The following NEMP2 variants were observed in gnomAD, a reference collection of about 807,000 sequenced individuals.
The protein encoded by NEMP2 is nuclear envelope integral membrane protein 2, also known as UPF0571 transmembrane protein.
NEMP2 carries 53 observed loss-of-function variants against 54.2 expected under a neutral mutation model. The ratio of observed to expected loss-of-function variants is 0.98; its 90% CI spans 0.78 to 1.23. NEMP2 has a LOEUF of 1.23. Among genes scored for constraint, NEMP2 ranks in the 50% most tolerant of loss-of-function variants. NEMP2 has a pLI of 0.00. For synonymous variants in NEMP2, 197 were observed against 190.3 expected (o/e 1.04, Z -0.29); for missense variants, 455 against 511.3 (o/e 0.89, Z 1.06).
At chr2:190,554,806 G>A in the NEMP2 span, among the ~76,000 whole-genome samples, 4 of 152,222 alleles carry the variant, frequency 2.6e-5, no homozygotes, top group African/African-American at 4.8e-5. This position sits in a 1 kb window ranked among gnomAD's most constrained non-coding sequence, Gnocchi z 5.7. Context: ...TTCAGGCTCC[G>A]ATAAGGGACA....
chr2:190,622,083 A>T, the NEMP2 span, among the ~76,000 whole-genome samples: 1 of 148,930 alleles, frequency 6.7e-6, no homozygotes, highest in Non-Finnish European at 1.5e-5. Context: ...CTGGGGAGTG[A>T]GACTCTGTCT....
At chr2:190,642,178 T>C in the NEMP2 span, among the ~76,000 whole-genome samples, 1 of 152,224 alleles carries the variant, frequency 6.6e-6, no homozygotes, top group African/African-American at 2.4e-5. This position sits in a 1 kb window ranked among gnomAD's most constrained non-coding sequence, Gnocchi z 4.1. Flanking sequence ...CACTGGTAGC[T>C]CATCCTGGGA....
chr2:190,522,330 T>C lies in NEMP2; in HGVS notation c.213+2933A>G, dbSNP rs1416324501. Among the ~76,000 whole-genome samples, 2 of 152,034 alleles carry C rather than the reference T, an allele frequency of 1.3e-5. No individual in the cohort carries two copies. The highest frequency in any genetic ancestry group is 2.9e-5 in the Non-Finnish European group (2 of 68,008). On this transcript the variant is annotated intron_variant, in intron 2 of 8. Coordinates refer to ENST00000409150, the MANE Select transcript of NEMP2 (RefSeq NM_001142645.2). This position sits in a 1 kb window ranked among gnomAD's most constrained non-coding sequence, Gnocchi z 5.0. ...GCCCAAACCCCAGCATTACACAATA[T>C]ATCCATGTGACAAACCTGCACATGT...
At chr2:190,543,460 T>C in the NEMP2 span, among the ~76,000 whole-genome samples, 2 of 152,220 alleles carry the variant, frequency 1.3e-5, no homozygotes, top group African/African-American at 4.8e-5. This position sits in a 1 kb window ranked among gnomAD's most constrained non-coding sequence, Gnocchi z 4.7. Context: ...CTCACCATCT[T>C]GGGTTCCCTG....
chr2:190,578,751 G>C, the NEMP2 span, among the ~76,000 whole-genome samples: 1 of 151,852 alleles, frequency 6.6e-6, no homozygotes, highest in Non-Finnish European at 1.5e-5. The surrounding 1 kb of genome is among the most constrained non-coding windows in gnomAD (Gnocchi z 4.4). Flanking sequence ...GGTGTGTACA[G>C]CAGGGTGTGG....
chr2:190,498,177 A>C, the NEMP2 span, among the ~76,000 whole-genome samples: 1 of 152,184 alleles, frequency 6.6e-6, no homozygotes, highest in African/African-American at 2.4e-5. This position sits in a 1 kb window ranked among gnomAD's most constrained non-coding sequence, Gnocchi z 5.9. Context: ...AGGTGGCCTC[A>C]CCTGAAAAAT....
chr2:190,644,153 C>T, the NEMP2 span, among the ~76,000 whole-genome samples: 1 of 144,354 alleles, frequency 6.9e-6, no homozygotes, highest in African/African-American at 2.5e-5. This position sits in a 1 kb window ranked among gnomAD's most constrained non-coding sequence, Gnocchi z 4.4. Flanking sequence ...TGAGCTGAAG[C>T]CTGTTTCCTC....
chr2:190,623,220 A>G, the NEMP2 span, among the ~76,000 whole-genome samples: 10 of 152,348 alleles, frequency 6.6e-5, no homozygotes, highest in African/African-American at 1.9e-4. Context: ...AAGAATTAAT[A>G]TCATTAAAAT....
chr2:190,469,607 G>T, the NEMP2 span: 1 of 373,652 alleles, frequency 2.7e-6, no homozygotes, highest in Admixed American at 4.4e-5. This position sits in a 1 kb window ranked among gnomAD's most constrained non-coding sequence, Gnocchi z 5.3. Flanking sequence ...CCACTCCTGA[G>T]TTTGGAGTCT....
At chr2:190,581,683 C>T in the NEMP2 span, among the ~76,000 whole-genome samples, 1 of 151,940 alleles carries the variant, frequency 6.6e-6, no homozygotes. Context: ...AAAAACATAG[C>T]CAAAAAATGA....
the NEMP2 span, among the ~76,000 whole-genome samples, chr2:190,621,745 G>A: frequency 6.6e-6 from 1 of 152,166 alleles, no homozygotes; most frequent in Non-Finnish European, 1.5e-5. Flanking sequence ...ACCTTCACAT[G>A]ATGGTCAATT....
chr2:190,633,686 G>A, the NEMP2 span, among the ~76,000 whole-genome samples: 1 of 152,112 alleles, frequency 6.6e-6, no homozygotes, highest in Non-Finnish European at 1.5e-5. Flanking sequence ...CTCAGCAAAT[G>A]TTTGTTAAAA....
At chr2:190,502,769 G>T (rs767684664), downstream of NEMP2, among the ~76,000 whole-genome samples, 1 of 152,184 alleles carries the variant, frequency 6.6e-6, no homozygotes, top group Non-Finnish European at 1.5e-5. This position sits in a 1 kb window ranked among gnomAD's most constrained non-coding sequence, Gnocchi z 4.4. Context: ...TAGGAAAAGG[G>T]AACCACATCC....
chr2:190,482,868 C>A, the NEMP2 span, among the ~76,000 whole-genome samples: 7 of 48,292 alleles, frequency 1.4e-4, no homozygotes, highest in East Asian at 1.4e-3. Flanking sequence ...AGACTATCAT[C>A]TTTTTTTTTT....
At chr2:190,555,260 TCTC>T in the NEMP2 span, among the ~76,000 whole-genome samples, 2 of 151,908 alleles carry the variant, frequency 1.3e-5, no homozygotes, top group South Asian at 4.2e-4. This position sits in a 1 kb window ranked among gnomAD's most constrained non-coding sequence, Gnocchi z 4.8. Context: ...GAATGCCTCT[TCTC>T]CTCCAAAGGA....
At chr2:190,609,599 A>G in the NEMP2 span, 1 of 152,136 alleles carries the variant, frequency 6.6e-6, no homozygotes, top group Non-Finnish European at 1.5e-5. The surrounding 1 kb of genome is among the most constrained non-coding windows in gnomAD (Gnocchi z 4.7). Context: ...CACTGGCTCA[A>G]TCAGCTTTTA....
At chr2:190,556,059 A>T in the NEMP2 span, among the ~76,000 whole-genome samples, 1 of 152,250 alleles carries the variant, frequency 6.6e-6, no homozygotes, top group Non-Finnish European at 1.5e-5. Flanking sequence ...CCTGATGAAC[A>T]TTGATGCGAA....
chr2:190,453,502 G>A, the NEMP2 span, among the ~76,000 whole-genome samples: 1 of 152,136 alleles, frequency 6.6e-6, no homozygotes, highest in Non-Finnish European at 1.5e-5. Flanking sequence ...ATCCATTTTG[G>A]GAACTCTTCA....
At chr2:190,431,867 ATTCC>A in the NEMP2 span, among the ~76,000 whole-genome samples, 3 of 152,196 alleles carry the variant, frequency 2.0e-5, no homozygotes, top group African/African-American at 7.2e-5. The surrounding 1 kb of genome is among the most constrained non-coding windows in gnomAD (Gnocchi z 4.4). Flanking sequence ...TTATTCAAGT[ATTCC>A]TTTTATCTGT....
Sources: gnomAD v4.1 joint callset for allele counts (sites outside exome capture counted in the v4.1 genomes callset) on GRCh38, gnomAD v4.1.1 for gene constraint, Gnocchi (gnomAD v3.1) non-coding constraint, MANE v1.5 for transcripts, NCBI Gene and HGNC (gene_info 2026-07-23, HGNC 2026-07-21) for gene names.